Variants in SFXN2 observed in about 807,000 individuals in gnomAD.
SFXN2 encodes the protein sideroflexin-2.
Under a neutral mutation model 41.9 loss-of-function variants are expected in SFXN2, and 37 were observed. The observed-to-expected ratio is 0.88, with a 90% CI of 0.68 to 1.16. The LOEUF (loss-of-function observed/expected upper bound fraction) is 1.16, where lower values mean the gene tolerates loss of function less well. Ranked by LOEUF, SFXN2 falls within the 50% of genes most tolerant of loss-of-function variation. SFXN2 has a pLI of 0.00. For synonymous variants in SFXN2, 150 were observed against 156.7 expected (o/e 0.96, Z 0.32); for missense variants, 386 against 425.2 (o/e 0.91, Z 0.81).
At chr10:102,730,765 A>C (rs770025196) in intron 6 of SFXN2, among the ~76,000 whole-genome samples, 8 of 152,184 alleles carry the variant, frequency 5.3e-5, no homozygotes, top group Non-Finnish European at 8.8e-5. Context: ...AGCCTGGCCA[A>C]CATGGCAAAA....
chr10:102,728,789 T>C (rs1206058881), intron 4 of SFXN2, among the ~76,000 whole-genome samples: 1 of 152,132 alleles, frequency 6.6e-6, no homozygotes, highest in Non-Finnish European at 1.5e-5. Flanking sequence ...TGCATGGTTC[T>C]AGATGCTGGG....
At chr10:102,722,838 C>G (rs1249941781) in intron 1 of SFXN2, among the ~76,000 whole-genome samples, 1 of 151,942 alleles carries the variant, frequency 6.6e-6, no homozygotes, top group African/African-American at 2.4e-5. Context: ...TGTGAACCAT[C>G]CCACCTGACC....
At chr10:102,730,280 A>G (rs1179600678) in intron 6 of SFXN2, among the ~76,000 whole-genome samples, 1 of 152,234 alleles carries the variant, frequency 6.6e-6, no homozygotes, top group Non-Finnish European at 1.5e-5. Flanking sequence ...AGAAAAGGTA[A>G]AGGAGAAACT....
intron 1 of SFXN2, among the ~76,000 whole-genome samples, chr10:102,721,316 A>T (rs1045296444): frequency 6.6e-6 from 1 of 151,848 alleles, no homozygotes; most frequent in Non-Finnish European, 1.5e-5. Context: ...GGAGTTTGAG[A>T]TTACAGTGAG....
chr10:102,737,881 G>A lies in SFXN2; in HGVS notation c.*119G>A. 1.5e-6 allele frequency: 1 copy of A among 655,480 alleles called. No homozygotes were observed. Among genetic ancestry groups the A allele is most frequent in the Non-Finnish European group, 2.6e-6 (1 of 380,064 alleles). The allele number at this position is 655,480 out of a possible 1,614,324, so 40.6% of individuals were successfully genotyped here. A position where few individuals can be genotyped will look rare whatever the true frequency, so the allele number is the denominator to read the frequency against. ...AAGGCCTGAAGGCCAGGGTAGATTG[G>A]GGGGTGGGACAATGAATGCCTCATA... On this transcript the variant is annotated 3_prime_UTR_variant, in exon 12 of 12. Coordinates refer to ENST00000369893, the MANE Select transcript of SFXN2 (RefSeq NM_178858.6).
At position 102,731,779 on chromosome 10, in the gene SFXN2, C is replaced by T. The variant is rs1304398657; in HGVS notation, c.650C>T (p.Ser217Phe). The change falls in exon 7 of 12, where the codon TCC (serine) becomes TTC (phenylalanine). Residue 217 changes from serine to phenylalanine, a missense_variant. By Grantham distance (155) the Ser-to-Phe change is radical. Transcript: ENST00000369893. ...KDRNENEIGH[S>F]RRAAAIGITQ... ...AGGAATGAAAATGAGATTGGTCATT[C>T]CCGGGTGAGCAGAGGCCTCCCTTTG... The T allele has an allele frequency of 5.0e-6, 8 of 1,613,706 alleles. No homozygotes were observed. The highest frequency in any genetic ancestry group is 6.8e-6 in the Non-Finnish European group (8 of 1,179,802).
chr10:102,717,293 G>A (rs2064430943), intron 1 of SFXN2, among the ~76,000 whole-genome samples: 3 of 151,996 alleles, frequency 2.0e-5, no homozygotes, highest in African/African-American at 7.2e-5. Context: ...CACCACGCCT[G>A]GCTAATTTTT....
rs748821876 is a variant in SFXN2 at position 102,732,873 on chromosome 10, A to G, written c.736A>G (p.Ile246Val). The change falls in exon 9 of 12, where the codon ATC (isoleucine) becomes GTC (valine). Residue 246 changes from isoleucine to valine, a missense_variant. By Grantham distance (29) the Ile-to-Val change is conservative (BLOSUM62 3). Coordinates refer to ENST00000369893, the MANE Select transcript of SFXN2 (RefSeq NM_178858.6). ...SAPGMILLPV[I>V]MERLEKLHFM... ...GTCTCTTCCAGTCTTGCTGCCAGTC[A>G]TCATGGAAAGGCTTGAGAAATTGCA... 4 of 1,614,034 alleles carry G rather than the reference A, an allele frequency of 2.5e-6. No homozygotes were observed. The highest frequency in any genetic ancestry group is 2.7e-5 in the African/African-American group (2 of 74,922).
chr10:102,734,269 T>C lies in SFXN2; in HGVS notation c.821+666T>C, dbSNP rs1323275557. ...TCACACAGGAGGGAAATGCCACCAG[T>C]CACGTCAGGGTTCTTAGGTATCTGC... On this transcript the variant is annotated intron_variant, in intron 10 of 11. Coordinates refer to ENST00000369893, the MANE Select transcript of SFXN2 (RefSeq NM_178858.6). The surrounding 1 kb of genome is among the most constrained non-coding windows in gnomAD (Gnocchi z 4.1). 2.0e-5 allele frequency among the ~76,000 whole-genome samples: 3 copies of C among 152,164 alleles called. No individual in the cohort carries two copies. The highest frequency in any genetic ancestry group is 7.2e-5 in the African/African-American group (3 of 41,446).
At chr10:102,730,138 C>A (rs541973188) in intron 6 of SFXN2, among the ~76,000 whole-genome samples, 1 of 152,272 alleles carries the variant, frequency 6.6e-6, no homozygotes, top group Admixed American at 6.5e-5. Flanking sequence ...ACTTCCCAAG[C>A]CCTGGGGATG....
At chr10:102,731,833 C>A in intron 7 of SFXN2, 50 bp downstream of exon 7, 2 of 1,521,002 alleles carry the variant, frequency 1.3e-6, no homozygotes, top group Non-Finnish European at 1.8e-6. Flanking sequence ...CCCTCTCATA[C>A]CCTGTCCCCT....
chr10:102,720,291 C>CA (rs56006729), intron 1 of SFXN2, among the ~76,000 whole-genome samples: 23 of 48,788 alleles, frequency 4.7e-4, no homozygotes, highest in African/African-American at 2.2e-3. Context: ...GACTCCCTCT[C>CA]AAAAAAAAAA....
intron 1 of SFXN2, among the ~76,000 whole-genome samples, chr10:102,720,240 C>T (rs1482890900): frequency 1.4e-5 from 2 of 146,122 alleles, no homozygotes; most frequent in Non-Finnish European, 3.0e-5. Context: ...TGCAGTGAGC[C>T]GAGATCGCAC....
At chr10:102,735,192 T>C (rs1249109012) in intron 10 of SFXN2, among the ~76,000 whole-genome samples, 2 of 130,060 alleles carry the variant, frequency 1.5e-5, no homozygotes, top group East Asian at 2.6e-4. Flanking sequence ...CCTTCCTCCC[T>C]CTCCATGTTG....
At chr10:102,735,833 C>G (rs1467048118) in intron 10 of SFXN2, 29 bp from the exon 11 acceptor site, 2 of 1,613,536 alleles carry the variant, frequency 1.2e-6, no homozygotes, top group Non-Finnish European at 1.7e-6. Flanking sequence ...GAGATGTCCC[C>G]TGATGCTTTG....
intron 1 of SFXN2, among the ~76,000 whole-genome samples, chr10:102,719,543 G>A (rs537319609): frequency 6.6e-5 from 10 of 152,156 alleles, no homozygotes; most frequent in African/African-American, 2.2e-4. Context: ...CTTCTTAAAT[G>A]TCCTGATTTT....
At chr10:102,718,316 T>C (rs768030684) in intron 1 of SFXN2, among the ~76,000 whole-genome samples, 4 of 152,236 alleles carry the variant, frequency 2.6e-5, no homozygotes, top group African/African-American at 9.6e-5. Context: ...GGGGGAGGCA[T>C]AGCATTTTGC....
At position 102,740,281 on chromosome 10, in the gene SFXN2, CTG is replaced by C. The variant is rs1196516224; in HGVS notation, c.*2521_*2522del. 1.3e-5 allele frequency: 2 copies of C among 152,254 alleles called. No homozygotes were observed. The highest frequency in any genetic ancestry group is 2.1e-4 in the South Asian group (1 of 4,836). The allele number at this position is 152,254 out of a possible 1,614,324, so 9.4% of individuals were successfully genotyped here. A position where few individuals can be genotyped will look rare whatever the true frequency, so the allele number is the denominator to read the frequency against. On this transcript the variant is annotated 3_prime_UTR_variant, in exon 12 of 12. Transcript: ENST00000369893. Reference sequence around the variant, plus strand: ...AATTATTTTGAGACAGGATCTCACTCTGTTACCCTGGTTGGAGTGCAGTAGTG... The same window carrying C: ...AATTATTTTGAGACAGGATCTCACTCTTACCCTGGTTGGAGTGCAGTAGTG...
intron 1 of SFXN2, among the ~76,000 whole-genome samples, chr10:102,723,595 A>C (rs1287138249): frequency 6.6e-6 from 1 of 152,178 alleles, no homozygotes; most frequent in Non-Finnish European, 1.5e-5. Context: ...TTAGTACTTG[A>C]GATGATTCTT....
Sources: allele counts gnomAD v4.1 joint callset (sites outside exome capture counted in the v4.1 genomes callset), GRCh38; gene constraint gnomAD v4.1.1; non-coding constraint Gnocchi (gnomAD v3.1); transcripts MANE v1.5; gene names NCBI Gene and HGNC (gene_info 2026-07-23, HGNC 2026-07-21).